Variants in NCAM2 observed in about 807,000 individuals in gnomAD.
NCAM2 encodes neural cell adhesion molecule 2.
In NCAM2, 30 loss-of-function variants were observed where a neutral mutation model predicts 98.1. The observed-to-expected ratio is 0.31, with a 90% confidence interval of 0.23 to 0.41. The LOEUF (loss-of-function observed/expected upper bound fraction) is 0.41, where lower values mean the gene tolerates loss of function less well. NCAM2 is among the 10% of genes least tolerant of loss of function. The pLI, the probability that NCAM2 is intolerant of heterozygous loss-of-function variation, is 1.00. For missense variants in NCAM2, 867 were observed against 1,005.8 expected, an observed-to-expected ratio of 0.86 and a Z score of 1.87; for synonymous variants, 368 against 342.4, an observed-to-expected ratio of 1.07 and a Z score of -0.83.
intron 1 of NCAM2, among the ~76,000 whole-genome samples, chr21:21,271,851 A>G (rs2072512465): frequency 6.6e-6 from 1 of 152,162 alleles, no homozygotes; most frequent in African/African-American, 2.4e-5. Flanking sequence ...CAATGAGAAC[A>G]CTTGGACACA....
intron 6 of NCAM2, among the ~76,000 whole-genome samples, chr21:21,325,297 G>A (rs2074484436): frequency 6.6e-6 from 1 of 152,120 alleles, no homozygotes; most frequent in Non-Finnish European, 1.5e-5. Context: ...AAGTGCAAAA[G>A]TGTCCCTACT....
chr21:21,230,008 A>G (rs958949866), intron 1 of NCAM2, among the ~76,000 whole-genome samples: 1 of 151,314 alleles, frequency 6.6e-6, no homozygotes, highest in African/African-American at 2.4e-5. Flanking sequence ...TTTGAGAGAA[A>G]CACACAAGTA....
intron 1 of NCAM2, among the ~76,000 whole-genome samples, chr21:21,075,400 C>T (rs913320998): frequency 3.3e-5 from 5 of 152,122 alleles, no homozygotes; most frequent in African/African-American, 1.2e-4. Flanking sequence ...TGTCCTGCAA[C>T]AAAGCTGATT....
chr21:21,137,971 G>A, intron 1 of NCAM2, among the ~76,000 whole-genome samples: 1 of 151,896 alleles, frequency 6.6e-6, no homozygotes, highest in East Asian at 1.9e-4. Flanking sequence ...GAGAACCTTT[G>A]TAACGGTGTT....
intron 9 of NCAM2, among the ~76,000 whole-genome samples, chr21:21,389,256 G>A (rs1280649264): frequency 2.0e-5 from 3 of 152,114 alleles, no homozygotes; most frequent in Non-Finnish European, 4.4e-5. Context: ...GTGTGCACGG[G>A]AATTCCCTTT....
At chr21:21,009,910 T>TGTGTGTGTGTGTGTGTGA in intron 1 of NCAM2, among the ~76,000 whole-genome samples, 1 of 151,670 alleles carries the variant, frequency 6.6e-6, no homozygotes, top group Non-Finnish European at 1.5e-5. Context: ...TGTGTGTGTG[T>TGTGTGTGTGTGTGTGTGA]GTGTGTGTTT....
chr21:21,373,582 A>G (rs1385532662), intron 8 of NCAM2, among the ~76,000 whole-genome samples: 1 of 151,776 alleles, frequency 6.6e-6, no homozygotes, highest in Non-Finnish European at 1.5e-5. Context: ...ATCTTTAAAC[A>G]TCAGGCTGAG....
At position 21,540,438 on chromosome 21, in the gene NCAM2, A is replaced by G. The variant is rs1425590110; in HGVS notation, c.*2481A>G. 6.6e-6 allele frequency: 1 copy of G among 151,862 alleles called. No homozygotes were observed. Among genetic ancestry groups the G allele is most frequent in the Non-Finnish European group, 1.5e-5 (1 of 67,942 alleles). 9.4% of individuals were successfully genotyped at this position (151,862 alleles called of 1,614,324 possible). Reference sequence around the variant, plus strand: ...GGTGGTCCTTACCTCTTGTCCTTGAAATCCATGCCATGCTGAAGCAAGGCA... The same window carrying G: ...GGTGGTCCTTACCTCTTGTCCTTGAGATCCATGCCATGCTGAAGCAAGGCA... On this transcript the variant is annotated 3_prime_UTR_variant, in exon 18 of 18. Transcript: ENST00000400546.
intron 17 of NCAM2, 151 bp downstream of exon 17, chr21:21,534,807 A>G: frequency 2.4e-6 from 2 of 818,676 alleles, no homozygotes; most frequent in Non-Finnish European, 3.3e-6. Flanking sequence ...AATATCTAAA[A>G]TCCATTTTCT....
At chr21:21,459,456 A>G (rs1454377435) in intron 12 of NCAM2, among the ~76,000 whole-genome samples, 1 of 148,616 alleles carries the variant, frequency 6.7e-6, no homozygotes, top group East Asian at 1.9e-4. Context: ...TATAATATAT[A>G]TAATATATAT....
intron 11 of NCAM2, among the ~76,000 whole-genome samples, chr21:21,431,150 CAT>C (rs892325334): frequency 4.5e-5 from 4 of 89,606 alleles, no homozygotes; most frequent in Non-Finnish European, 7.5e-5. Context: ...TGTGTGTATA[CAT>C]ATATATATAT....
chr21:21,237,019 G>T (rs375084260), intron 1 of NCAM2, among the ~76,000 whole-genome samples: 14 of 152,140 alleles, frequency 9.2e-5, no homozygotes, highest in Middle Eastern at 3.4e-3. Flanking sequence ...ACCTGCTAAC[G>T]TTAGACTTCT....
chr21:21,026,100 C>T (rs150448786), intron 1 of NCAM2, among the ~76,000 whole-genome samples: 108 of 152,108 alleles, frequency 7.1e-4, no homozygotes, highest in East Asian at 5.8e-3. Flanking sequence ...ATCAGTGTGA[C>T]GTGGATTTGT....
intron 15 of NCAM2, among the ~76,000 whole-genome samples, chr21:21,489,383 T>C (rs1405817263): frequency 6.6e-6 from 1 of 152,154 alleles, no homozygotes; most frequent in African/African-American, 2.4e-5. Flanking sequence ...CCTTTTTCTC[T>C]ATTTCTGTCT....
Position 21,141,656 on chromosome 21 carries a change from T to G in NCAM2, c.56-138922T>G, listed in dbSNP as rs184997958. Among the ~76,000 whole-genome samples, 7 of 152,332 alleles carry G rather than the reference T, an allele frequency of 4.6e-5. No individual in the cohort carries two copies. The East Asian group carries it at 1.4e-3, about 29-fold the overall frequency. ...AAGATGGTCTCATTCGTGCTCAAATTTTCTCCTCCTTTACTCATGGAAGGC... is the reference window on the plus strand; with the variant it reads ...AAGATGGTCTCATTCGTGCTCAAATGTTCTCCTCCTTTACTCATGGAAGGC... On this transcript the variant is annotated intron_variant, in intron 1 of 17. Coordinates refer to ENST00000400546, the MANE Select transcript of NCAM2 (RefSeq NM_004540.5).
chr21:21,449,817 C>T lies in NCAM2; in HGVS notation c.1655-16789C>T, dbSNP rs147506440. 1.3e-4 allele frequency among the ~76,000 whole-genome samples: 20 copies of T among 152,058 alleles called. No homozygotes were observed. In the East Asian group the frequency reaches 1.7e-3, roughly 13 times the overall value. The stretch of plus-strand genomic sequence containing the variant: ...CCATCCTATATGGAGTGATGAATGC[C>T]GCAGACTGACATGTACAGATATGAT... On this transcript the variant is annotated intron_variant, in intron 12 of 17. Coordinates refer to ENST00000400546, the MANE Select transcript of NCAM2 (RefSeq NM_004540.5).
intron 5 of NCAM2, among the ~76,000 whole-genome samples, chr21:21,315,673 G>A (rs972714754): frequency 7.2e-5 from 11 of 152,140 alleles, no homozygotes; most frequent in African/African-American, 2.7e-4. Flanking sequence ...CATTTCTAGA[G>A]CAGTGTTGAT....
intron 15 of NCAM2, among the ~76,000 whole-genome samples, chr21:21,503,346 A>T (rs1320424573): frequency 6.6e-6 from 1 of 151,944 alleles, no homozygotes; most frequent in East Asian, 1.9e-4. Context: ...AAGTAAAATA[A>T]GGGTTATTGA....
intron 1 of NCAM2, among the ~76,000 whole-genome samples, chr21:21,035,577 A>G (rs1032978418): frequency 1.3e-5 from 2 of 152,128 alleles, no homozygotes; most frequent in Non-Finnish European, 2.9e-5. Flanking sequence ...TTCTTGTTCA[A>G]TTTGGTGTTA....
Sources: allele counts gnomAD v4.1 joint callset (sites outside exome capture counted in the v4.1 genomes callset), GRCh38; gene constraint gnomAD v4.1.1; transcripts MANE v1.5; gene names NCBI Gene and HGNC (gene_info 2026-07-23, HGNC 2026-07-21).